RNF123: variants seen among roughly 807,000 people sequenced by gnomAD.
RNF123 encodes E3 ubiquitin-protein ligase RNF123.
A neutral mutation model predicts 168.5 loss-of-function variants in RNF123; 86 were observed. The ratio of observed to expected loss-of-function variants is 0.51; its 90% CI spans 0.43 to 0.61. The LOEUF (loss-of-function observed/expected upper bound fraction) is 0.61, where lower values mean the gene tolerates loss of function less well. RNF123 is among the 20% of genes least tolerant of loss of function. The pLI, the probability that RNF123 is intolerant of heterozygous loss-of-function variation, is 0.00. For synonymous variants in RNF123, 666 were observed against 689.1 expected (o/e 0.97, Z 0.52); for missense variants, 1,419 against 1,729.7 (o/e 0.82, Z 3.19).
intron 17 of RNF123, 26 bp downstream of exon 17, chr3:49,701,936 G>C: frequency 6.4e-7 from 1 of 1,556,620 alleles, no homozygotes; most frequent in Non-Finnish European, 8.7e-7. Context: ...GCACGGGGTA[G>C]GGTGGGAGGT....
intron 8 of RNF123, 30 bp from the exon 9 acceptor site, chr3:49,698,725 T>G: frequency 2.5e-6 from 4 of 1,609,676 alleles, no homozygotes; most frequent in Non-Finnish European, 3.4e-6. Flanking sequence ...TGGGCTTCTG[T>G]GCATCTGGTG....
chr3:49,719,284 G>A (rs747674599), intron 35 of RNF123: 23 of 1,613,090 alleles, frequency 1.4e-5, no homozygotes, highest in Non-Finnish European at 1.9e-5. Context: ...CGCAGTAGCG[G>A]CAGGTAACTC....
chr3:49,715,917 G>A lies in RNF123; in HGVS notation c.3246G>A (p.Leu1082=). The change falls in exon 33 of 39, where the codon CTG becomes CTA. Residue 1082 remains leucine, a synonymous_variant. Coordinates refer to ENST00000327697, the MANE Select transcript of RNF123 (RefSeq NM_022064.5). ...GCTTTGACCTCTCGGTCAGCCTGCT[G>A]CGTGTCTTGGAGATGACTATCACAC... The part of the protein sequence containing the change: ...ATCFDLSVSL[L]RVLEMTITLV... The A allele has an allele frequency of 6.2e-7, 1 of 1,614,108 alleles. No homozygotes were observed.
chr3:49,696,142 A>C lies in RNF123; in HGVS notation c.168-1001A>C, dbSNP rs1198108640. The stretch of plus-strand genomic sequence containing the variant: ...CAGGCCTAGGGGCAAGGGTTGGACT[A>C]GGTGGCCTTGGTACTGACCACTTTG... On this transcript the variant is annotated intron_variant, in intron 3 of 38. Coordinates refer to ENST00000327697, the MANE Select transcript of RNF123 (RefSeq NM_022064.5). Among the ~76,000 whole-genome samples, 3 of 152,208 alleles carry C rather than the reference A, an allele frequency of 2.0e-5. No homozygotes were observed. In the South Asian group the frequency reaches 6.2e-4, roughly 32 times the overall value.
chr3:49,691,799 C>T (rs536976216), intron 3 of RNF123, among the ~76,000 whole-genome samples: 3 of 152,346 alleles, frequency 2.0e-5, no homozygotes, highest in South Asian at 4.1e-4. Flanking sequence ...CAGCATCTGC[C>T]CCTGCATGTA....
intron 26 of RNF123, among the ~76,000 whole-genome samples, chr3:49,710,750 G>A (rs1365128337): frequency 6.6e-6 from 1 of 152,154 alleles, no homozygotes; most frequent in African/African-American, 2.4e-5. Context: ...TGCTCTGGCT[G>A]GGATTTCCAG....
chr3:49,703,303 G>C, intron 20 of RNF123, 124 bp from the exon 21 acceptor site: 1 of 720,314 alleles, frequency 1.4e-6, no homozygotes, highest in Admixed American at 2.3e-5. Context: ...CTGTCTGCCT[G>C]GATGGGTGAG....
At chr3:49,700,803 C>T in intron 15 of RNF123, 94 bp downstream of exon 15, 1 of 1,342,350 alleles carries the variant, frequency 7.4e-7, no homozygotes, top group Non-Finnish European at 1.1e-6. Context: ...CCAGGGGTCC[C>T]CTGGGAGCAT....
At chr3:49,690,782 G>A (rs2054140648) in intron 1 of RNF123, among the ~76,000 whole-genome samples, 1 of 152,224 alleles carries the variant, frequency 6.6e-6, no homozygotes, top group African/African-American at 2.4e-5. Context: ...TGGATACAGG[G>A]GCTCTGCCCC....
chr3:49,697,327 C>T, intron 4 of RNF123, 36 bp from the exon 5 acceptor site: 1 of 1,600,454 alleles, frequency 6.2e-7, no homozygotes, highest in Non-Finnish European at 8.6e-7. Flanking sequence ...CTGTCAAATG[C>T]TCCACCCTGC....
Position 49,712,561 on chromosome 3 carries a change from C to T in RNF123, c.2579C>T (p.Ala860Val). The change falls in exon 27 of 39, where the codon GCC becomes GTC. Residue 860 changes from alanine to valine, a missense_variant. Physicochemically the swap from Ala to Val is moderately conservative, Grantham distance 64 (BLOSUM62 0). Around this residue, in one of 5 missense-constraint regions of RNF123, gnomAD observed 538 missense variants for 708.8 expected, o/e 0.76. Coordinates refer to ENST00000327697, the MANE Select transcript of RNF123 (RefSeq NM_022064.5). ...GGTGATCGCACAGGGTCTCTCTTTG[C>T]CTTCATGCCCGAGTTCTACCTGAGC... ...EHGDRTGSLF[A>V]FMPEFYLSVA... The T allele has an allele frequency of 6.2e-7, 1 of 1,614,200 alleles. No homozygotes were observed. Among genetic ancestry groups the T allele is most frequent in the Non-Finnish European group, 8.5e-7 (1 of 1,180,038 alleles).
chr3:49,691,083 G>C, intron 1 of RNF123, 47 bp from the exon 2 acceptor site: 2 of 1,308,868 alleles, frequency 1.5e-6, no homozygotes, highest in East Asian at 2.3e-5. Flanking sequence ...GTCAGGTGTG[G>C]GGGCCCCTGG....
intron 35 of RNF123, chr3:49,718,938 G>C (rs2080318750): frequency 6.2e-7 from 1 of 1,613,778 alleles, no homozygotes; most frequent in East Asian, 2.2e-5. Flanking sequence ...GACCGTGCAG[G>C]TGGTCGAAGG....
chr3:49,712,516 G>C lies in RNF123; in HGVS notation c.2534G>C (p.Cys845Ser). 1.9e-6 allele frequency: 3 copies of C among 1,614,154 alleles called. No individual in the cohort carries two copies. The highest frequency in any genetic ancestry group is 2.5e-6 in the Non-Finnish European group (3 of 1,180,044). The change falls in exon 27 of 39, where the codon TGC (cysteine) becomes TCC (serine). Residue 845 changes from cysteine (C) to serine (S), a missense_variant. This residue lies in a region of RNF123 where 538 missense variants were observed against 708.8 expected (regional missense o/e 0.76). Coordinates refer to ENST00000327697, the MANE Select transcript of RNF123 (RefSeq NM_022064.5). ...GACATCTACTGGCTGCTGCGCGTCTGCCTGCGGACCATTGAGCACGGTGAT... is the reference window on the plus strand; with the variant it reads ...GACATCTACTGGCTGCTGCGCGTCTCCCTGCGGACCATTGAGCACGGTGAT... Reference protein sequence around the residue: ...MLDIYWLLRVCLRTIEHGDRT... With the variant: ...MLDIYWLLRVSLRTIEHGDRT...
intron 3 of RNF123, among the ~76,000 whole-genome samples, chr3:49,692,016 G>A (rs1028796417): frequency 7.9e-5 from 12 of 152,346 alleles, no homozygotes; most frequent in African/African-American, 2.9e-4. Flanking sequence ...GGCCAAGGTG[G>A]GTAGATTGCT....
rs1393568853 is a variant in RNF123 at position 49,721,362 on chromosome 3, G to A, written c.*57G>A. The A allele has an allele frequency of 1.2e-6, 2 of 1,612,532 alleles. No individual in the cohort carries two copies. Among genetic ancestry groups the A allele is most frequent in the African/African-American group, 2.7e-5 (2 of 74,904 alleles). ...ACCTTTGAACCCAGAGCCAGGCTGG[G>A]CCCTATTTATGAGCTCCCTTTGCCC... is the stretch of plus-strand genomic sequence containing the variant. On this transcript the variant is annotated 3_prime_UTR_variant, in exon 39 of 39. Coordinates refer to ENST00000327697, the MANE Select transcript of RNF123 (RefSeq NM_022064.5).
In RNF123 at chr3:49,699,179, CA is replaced by C; in HGVS notation, c.764+75del. The C allele has an allele frequency of 6.5e-7, 1 of 1,547,934 alleles. No individual in the cohort carries two copies. On this transcript the variant is annotated intron_variant, in intron 10 of 38. Coordinates refer to ENST00000327697, the MANE Select transcript of RNF123 (RefSeq NM_022064.5). This position sits in a 1 kb window ranked among gnomAD's most constrained non-coding sequence, Gnocchi z 4.8. ...GGCTGGGATGAGGGGCTCCCTACCC[CA>C]GGGGTGCCATGGGCTGGTGGCAGGC...
rs757049755 is a variant in RNF123 at position 49,718,211 on chromosome 3, A to AGCGGCGGCAGCGGCAGGCACG, written c.3500+1740_3500+1760dup. 5.5e-5 allele frequency: 88 copies of AGCGGCGGCAGCGGCAGGCACG among 1,610,728 alleles called. 2 individuals are homozygous for AGCGGCGGCAGCGGCAGGCACG. Among genetic ancestry groups the AGCGGCGGCAGCGGCAGGCACG allele is most frequent in the East Asian group, 4.5e-4 (20 of 44,858 alleles). On this transcript the variant is annotated intron_variant, in intron 35 of 38. Transcript: ENST00000327697. ...TGGAGCGGGCTGGGTGTTTGGGGCC[A>AGCGGCGGCAGCGGCAGGCACG]GCGGCGGCAGCGGCAGGCACGGCGG...
chr3:49,698,401 C>G, intron 7 of RNF123, 39 bp from the exon 8 acceptor site: 2 of 1,564,204 alleles, frequency 1.3e-6, no homozygotes, highest in Non-Finnish European at 1.8e-6. Context: ...CCAGACCCTG[C>G]CTGCCTCACC....
Sources: gnomAD v4.1 joint callset for allele counts (sites outside exome capture counted in the v4.1 genomes callset) on GRCh38, gnomAD v4.1.1 for gene constraint, gnomAD v4.1.1 regional missense constraint, Gnocchi (gnomAD v3.1) non-coding constraint, MANE v1.5 for transcripts, NCBI Gene and HGNC (gene_info 2026-07-23, HGNC 2026-07-21) for gene names.